Variants in GNB4 observed in about 807,000 individuals in gnomAD.
GNB4 encodes guanine nucleotide-binding protein subunit beta-4.
In GNB4, 28 loss-of-function variants were observed where a neutral mutation model predicts 45.2. The ratio of observed to expected loss-of-function variants is 0.62; its 90% CI spans 0.46 to 0.85. The LOEUF is 0.85. Ranked by LOEUF, GNB4 falls within the 40% of genes least tolerant of loss-of-function variation. The pLI is 0.00. For missense variants in GNB4, 321 were observed against 425.4 expected (o/e 0.75, Z 2.16); for synonymous variants, 132 against 143.7 (o/e 0.92, Z 0.58).
chr3:179,469,056 A>G, the GNB4 span, among the ~76,000 whole-genome samples: 1 of 152,216 alleles, frequency 6.6e-6, no homozygotes, highest in Non-Finnish European at 1.5e-5. Context: ...GCCAATCAGA[A>G]AATCTTTGAA....
At chr3:179,494,675 C>A in the GNB4 span, among the ~76,000 whole-genome samples, 2 of 151,556 alleles carry the variant, frequency 1.3e-5, no homozygotes, top group Non-Finnish European at 2.9e-5. Context: ...TTTGGGAGGC[C>A]GAGGCGGGCA....
the GNB4 span, among the ~76,000 whole-genome samples, chr3:179,468,800 C>T: frequency 6.6e-6 from 1 of 152,178 alleles, no homozygotes; most frequent in Non-Finnish European, 1.5e-5. Context: ...AAAAAATTTA[C>T]ATTCTATAAA....
Position 179,401,178 on chromosome 3 carries a change from G to C in GNB4, c.*35C>G. On this transcript the variant is annotated 3_prime_UTR_variant, in exon 10 of 10. Coordinates refer to ENST00000232564, the MANE Select transcript of GNB4 (RefSeq NM_021629.4). ...ATAGGCTGTAGCATTGATTTCTCCA[G>C]ATATATCAATGGAGAACAAATATGT... The C allele has an allele frequency of 6.9e-7, 1 of 1,442,418 alleles. No individual in the cohort carries two copies. Among genetic ancestry groups the C allele is most frequent in the South Asian group, 1.2e-5 (1 of 84,912 alleles). 89.4% of individuals were successfully genotyped at this position (1,442,418 alleles called of 1,614,324 possible).
the GNB4 span, among the ~76,000 whole-genome samples, chr3:179,471,382 A>G: frequency 6.6e-6 from 1 of 152,158 alleles, no homozygotes; most frequent in African/African-American, 2.4e-5. Flanking sequence ...AGCCCCATTC[A>G]TGGTAAGTGC....
intron 1 of GNB4, among the ~76,000 whole-genome samples, chr3:179,428,662 T>G (rs1465082019): frequency 6.6e-6 from 1 of 152,146 alleles, no homozygotes; most frequent in Admixed American, 6.5e-5. Flanking sequence ...TTTTAAAAAT[T>G]TGCAGTTATT....
chr3:179,423,818 G>C (rs1025062610), intron 2 of GNB4, among the ~76,000 whole-genome samples: 3 of 152,046 alleles, frequency 2.0e-5, no homozygotes, highest in African/African-American at 7.2e-5. Flanking sequence ...CCAAGTGGAG[G>C]GCTCTTGGAG....
the GNB4 span, among the ~76,000 whole-genome samples, chr3:179,514,995 T>G: frequency 2.6e-5 from 4 of 152,214 alleles, no homozygotes; most frequent in African/African-American, 9.6e-5. Context: ...TCCAGTTAAA[T>G]AAGTGAGATT....
Position 179,398,745 on chromosome 3 carries a change from T to G in GNB4, c.*2468A>C, listed in dbSNP as rs1287061713. 1 of 149,338 alleles carries G rather than the reference T, an allele frequency of 6.7e-6. No individual in the cohort carries two copies. The highest frequency in any genetic ancestry group is 6.6e-5 in the Admixed American group (1 of 15,250). 9.3% of individuals were successfully genotyped at this position (149,338 alleles called of 1,614,324 possible). A position where few individuals can be genotyped will look rare whatever the true frequency, so the allele number is the denominator to read the frequency against. On this transcript the variant is annotated 3_prime_UTR_variant, in exon 10 of 10. Coordinates refer to ENST00000232564, the MANE Select transcript of GNB4 (RefSeq NM_021629.4). Reference sequence around the variant, plus strand: ...TATATTTAGCAACTGGAGCCCCTATTATTAGAAAGCAAAGGTGTAACCATG... The same window carrying G: ...TATATTTAGCAACTGGAGCCCCTATGATTAGAAAGCAAAGGTGTAACCATG...
At chr3:179,434,686 A>G (rs1715398293) in intron 1 of GNB4, among the ~76,000 whole-genome samples, 1 of 151,462 alleles carries the variant, frequency 6.6e-6, no homozygotes, top group Admixed American at 6.6e-5. Flanking sequence ...ACACCCCTCC[A>G]CTCCAGCCTG....
intron 1 of GNB4, among the ~76,000 whole-genome samples, chr3:179,446,971 T>C (rs1715748650): frequency 6.6e-6 from 1 of 152,196 alleles, no homozygotes; most frequent in South Asian, 2.1e-4. Context: ...AAACTTCCTA[T>C]TGCCACAGTG....
the GNB4 span, among the ~76,000 whole-genome samples, chr3:179,518,073 C>T: frequency 6.6e-6 from 1 of 152,196 alleles, no homozygotes; most frequent in South Asian, 2.1e-4. Flanking sequence ...TCTGGACTTG[C>T]CTCCTTCACT....
the GNB4 span, among the ~76,000 whole-genome samples, chr3:179,492,104 G>GT: frequency 2.6e-4 from 39 of 152,204 alleles, no homozygotes; most frequent in African/African-American, 8.9e-4. Context: ...ATCTCCCAGA[G>GT]TTTTGAGGCA....
At chr3:179,458,172 G>A in the GNB4 span, among the ~76,000 whole-genome samples, 4 of 152,130 alleles carry the variant, frequency 2.6e-5, no homozygotes, top group Admixed American at 2.0e-4. Flanking sequence ...CAAAGTGCTG[G>A]GATTACAGGC....
At chr3:179,494,645 C>T in the GNB4 span, among the ~76,000 whole-genome samples, 3 of 151,940 alleles carry the variant, frequency 2.0e-5, no homozygotes, top group African/African-American at 4.8e-5. Flanking sequence ...CGCAGTGGCT[C>T]ACGCCTGTAA....
intron 8 of GNB4, among the ~76,000 whole-genome samples, chr3:179,411,376 T>A (rs1046449680): frequency 2.6e-5 from 4 of 151,916 alleles, no homozygotes; most frequent in African/African-American, 9.7e-5. Context: ...AAAACTGTTA[T>A]ATATACAGTA....
At chr3:179,494,850 G>A in the GNB4 span, among the ~76,000 whole-genome samples, 3 of 140,784 alleles carry the variant, frequency 2.1e-5, no homozygotes, top group African/African-American at 7.9e-5. Context: ...GGAGCTTGCA[G>A]TGAGCCGAGA....
chr3:179,502,086 ATTGT>A, the GNB4 span, among the ~76,000 whole-genome samples: 2 of 152,250 alleles, frequency 1.3e-5, no homozygotes, highest in East Asian at 3.9e-4. Flanking sequence ...GAGAACTGGT[ATTGT>A]TACAATTAAA....
intron 1 of GNB4, among the ~76,000 whole-genome samples, chr3:179,447,666 A>G (rs767118797): frequency 5.9e-5 from 9 of 152,214 alleles, no homozygotes; most frequent in Non-Finnish European, 1.0e-4. Context: ...CATCCAGGCC[A>G]GGGAAGAATA....
At chr3:179,435,748 C>G (rs918010443) in intron 1 of GNB4, among the ~76,000 whole-genome samples, 1 of 152,176 alleles carries the variant, frequency 6.6e-6, no homozygotes, top group Non-Finnish European at 1.5e-5. Context: ...ATAGTGAAAG[C>G]ATTGTTGAGC....
Sources: gnomAD v4.1 joint callset for allele counts (sites outside exome capture counted in the v4.1 genomes callset) on GRCh38, gnomAD v4.1.1 for gene constraint, MANE v1.5 for transcripts, NCBI Gene and HGNC (gene_info 2026-07-23, HGNC 2026-07-21) for gene names.